PTPRT: variants seen among roughly 807,000 people sequenced by gnomAD.
The protein encoded by PTPRT is receptor-type tyrosine-protein phosphatase T.
In PTPRT, 56 loss-of-function variants were observed where a neutral mutation model predicts 176.8. That is an observed-to-expected ratio of 0.32 (90% CI 0.26 to 0.40). The LOEUF is 0.40. Ranked by LOEUF, PTPRT falls within the 10% of genes least tolerant of loss-of-function variation. The probability of loss-of-function intolerance (pLI) is 1.00; values close to 1 mark genes in which losing one functional copy is unlikely to be tolerated. For synonymous variants in PTPRT, 783 were observed against 739.0 expected, an observed-to-expected ratio of 1.06 and a Z score of -0.96; for missense variants, 1,540 against 1,908.2, an observed-to-expected ratio of 0.81 and a Z score of 3.60.
intron 7 of PTPRT, among the ~76,000 whole-genome samples, chr20:42,657,488 G>A (rs994143429): frequency 6.6e-5 from 10 of 152,160 alleles, no homozygotes; most frequent in Admixed American, 2.0e-4. Context: ...ACCTTATGGT[G>A]GTGGCATTCC....
At chr20:42,256,823 T>C (rs182093524) in intron 13 of PTPRT, among the ~76,000 whole-genome samples, 192 of 152,124 alleles carry the variant, frequency 1.3e-3, no homozygotes, top group African/African-American at 4.3e-3. Flanking sequence ...CAAAAAGAGA[T>C]GGTGGAGTTC....
chr20:42,963,063 G>C (rs571078031), intron 1 of PTPRT, among the ~76,000 whole-genome samples: 1 of 152,276 alleles, frequency 6.6e-6, no homozygotes, highest in East Asian at 1.9e-4. Flanking sequence ...AGCCGGGCAT[G>C]GTGGCAGGCA....
chr20:42,384,763 T>C (rs568529843), intron 9 of PTPRT, among the ~76,000 whole-genome samples: 2 of 152,336 alleles, frequency 1.3e-5, no homozygotes, highest in African/African-American at 4.8e-5. Flanking sequence ...CTTATCTTTT[T>C]GTTTTTAAAA....
intron 1 of PTPRT, among the ~76,000 whole-genome samples, chr20:43,106,481 A>AC (rs1178323919): frequency 6.6e-6 from 1 of 151,844 alleles, no homozygotes; most frequent in Non-Finnish European, 1.5e-5. Context: ...ACATGGTGAA[A>AC]CCCCATCTCT....
intron 11 of PTPRT, among the ~76,000 whole-genome samples, chr20:42,332,693 T>A (rs1311449546): frequency 6.6e-6 from 1 of 152,120 alleles, no homozygotes. Context: ...TAAAGAAAAC[T>A]GACAGTATTT....
At chr20:42,564,015 G>C (rs1451136035) in intron 7 of PTPRT, among the ~76,000 whole-genome samples, 1 of 152,182 alleles carries the variant, frequency 6.6e-6, no homozygotes, top group Non-Finnish European at 1.5e-5. Context: ...TGGACCCTCT[G>C]TATCTCACCA....
chr20:42,956,531 C>T (rs1323511499), intron 1 of PTPRT, among the ~76,000 whole-genome samples: 3 of 152,150 alleles, frequency 2.0e-5, no homozygotes, highest in African/African-American at 7.2e-5. Context: ...TAAGCAGATG[C>T]CAGCACCATG....
chr20:42,999,574 G>A (rs1472787394), intron 1 of PTPRT, among the ~76,000 whole-genome samples: 2 of 151,508 alleles, frequency 1.3e-5, no homozygotes, highest in Non-Finnish European at 2.9e-5. Context: ...TGGGAAACAT[G>A]GTGAGACCCA....
intron 7 of PTPRT, among the ~76,000 whole-genome samples, chr20:42,653,990 C>T (rs1052822963): frequency 6.6e-6 from 1 of 152,108 alleles, no homozygotes; most frequent in Non-Finnish European, 1.5e-5. Flanking sequence ...TCCATAAGTC[C>T]TGAAATCTCC....
At chr20:42,204,612 T>C (rs751938715) in intron 15 of PTPRT, among the ~76,000 whole-genome samples, 3 of 152,194 alleles carry the variant, frequency 2.0e-5, no homozygotes, top group Non-Finnish European at 4.4e-5. Context: ...GACGCGGCCA[T>C]AGCTCTTGGC....
At chr20:43,105,357 T>C (rs966655469) in intron 1 of PTPRT, among the ~76,000 whole-genome samples, 11 of 151,622 alleles carry the variant, frequency 7.3e-5, no homozygotes, top group Admixed American at 2.0e-4. Flanking sequence ...TAGGGACCAA[T>C]AGCTTTACCG....
At chr20:42,368,503 C>T (rs1030873467) in intron 9 of PTPRT, among the ~76,000 whole-genome samples, 15 of 151,992 alleles carry the variant, frequency 9.9e-5, no homozygotes, top group Admixed American at 3.9e-4. Context: ...CAAGGTAACC[C>T]GCTGGGGCAA....
intron 6 of PTPRT, among the ~76,000 whole-genome samples, chr20:42,740,701 G>T (rs1413425853): frequency 6.6e-6 from 1 of 152,140 alleles, no homozygotes; most frequent in African/African-American, 2.4e-5. Context: ...CTGGCAAGTG[G>T]GGCTGGCAGA....
the PTPRT span, among the ~76,000 whole-genome samples, chr20:42,038,802 T>C: frequency 0.65 from 98,231 of 151,770 alleles, 33,078 homozygotes; most frequent in African/African-American, 0.83. Flanking sequence ...ATGTGGAGAA[T>C]CTCGGGTTCC....
intron 13 of PTPRT, among the ~76,000 whole-genome samples, chr20:42,267,226 T>C (rs2056854449): frequency 6.6e-6 from 1 of 152,258 alleles, no homozygotes; most frequent in South Asian, 2.1e-4. Context: ...ATAGGCTTTG[T>C]GTTAAATGAT....
At chr20:43,144,146 A>AT (rs1253888067) in intron 1 of PTPRT, among the ~76,000 whole-genome samples, 1 of 152,160 alleles carries the variant, frequency 6.6e-6, no homozygotes, top group Non-Finnish European at 1.5e-5. Flanking sequence ...CTTTGTGCCA[A>AT]TGGCTCCAAG....
intron 1 of PTPRT, among the ~76,000 whole-genome samples, chr20:42,890,389 T>C (rs2079172510): frequency 6.6e-6 from 1 of 152,206 alleles, no homozygotes; most frequent in Admixed American, 6.5e-5. Context: ...GTACAACCTG[T>C]TGGGCTCATA....
intron 15 of PTPRT, among the ~76,000 whole-genome samples, chr20:42,219,846 G>A (rs926073891): frequency 2.0e-5 from 3 of 152,092 alleles, no homozygotes; most frequent in Admixed American, 6.5e-5. Context: ...TTAATTGGAT[G>A]GAGCCTGGCT....
At chr20:43,170,873 C>A (rs2146459728) in intron 1 of PTPRT, among the ~76,000 whole-genome samples, 1 of 152,332 alleles carries the variant, frequency 6.6e-6, no homozygotes, top group Non-Finnish European at 1.5e-5. Context: ...TAGTCTTCAA[C>A]AATATAGTCA....
Sources: allele counts gnomAD v4.1 joint callset (sites outside exome capture counted in the v4.1 genomes callset), GRCh38; gene constraint gnomAD v4.1.1; transcripts MANE v1.5; gene names NCBI Gene and HGNC (gene_info 2026-07-23, HGNC 2026-07-21).